CADM2: variants seen among roughly 807,000 people sequenced by gnomAD.
CADM2 encodes immunoglobulin superfamily member 4D.
A neutral mutation model predicts 49.8 loss-of-function variants in CADM2; 12 were observed. That is an observed-to-expected ratio of 0.24 (90% CI 0.15 to 0.39). The LOEUF (loss-of-function observed/expected upper bound fraction) is 0.39. Among genes scored for constraint, CADM2 ranks in the 10% least tolerant of loss-of-function variants. The pLI is 1.00. For missense variants in CADM2, 378 were observed against 492.3 expected, an observed-to-expected ratio of 0.77 and a Z score of 2.20; for synonymous variants, 214 against 175.4, an observed-to-expected ratio of 1.22 and a Z score of -1.74.
At chr3:85,561,833 T>C (rs2062104417) in intron 1 of CADM2, among the ~76,000 whole-genome samples, 1 of 152,216 alleles carries the variant, frequency 6.6e-6, no homozygotes, top group African/African-American at 2.4e-5. Flanking sequence ...TAAGACTTTA[T>C]TCAAATTTAC....
chr3:85,940,200 G>A lies in CADM2; in HGVS notation c.791+4343G>A, dbSNP rs540347934. The stretch of plus-strand genomic sequence containing the variant: ...AAAAAAAAAAAAAAAATAGCCGGGC[G>A]TGGTGGTGGGCGCCTGTAATCCCAG... On this transcript the variant is annotated intron_variant, in intron 7 of 9. Transcript: ENST00000383699. 5.4e-5 allele frequency among the ~76,000 whole-genome samples: 8 copies of A among 149,036 alleles called. No homozygotes were observed. In the South Asian group the frequency reaches 6.4e-4, roughly 12 times the overall value.
intron 1 of CADM2, among the ~76,000 whole-genome samples, chr3:85,295,780 G>T (rs534720984): frequency 6.6e-6 from 1 of 152,152 alleles, no homozygotes; most frequent in South Asian, 2.1e-4. Context: ...ACTGTTGTGG[G>T]GTTGGGGGAG....
rs548111540 is a variant in CADM2, at chr3:85,883,536, G to T, written c.391+93G>T. On this transcript the variant is annotated intron_variant, in intron 4 of 9. Coordinates refer to ENST00000383699, the MANE Select transcript of CADM2 (RefSeq NM_001167675.2). ...ATTCAATACAAAAATATATTTTGAA[G>T]ATTATATGAATAGATATGGTTTAAT... 9.9e-5 allele frequency: 111 copies of T among 1,125,614 alleles called. No individual in the cohort carries two copies. In the African/African-American group the frequency reaches 1.6e-3, roughly 16 times the overall value. 69.7% of individuals were successfully genotyped at this position (1,125,614 alleles called of 1,614,324 possible).
At chr3:85,977,060 T>A (rs1477021499) in intron 8 of CADM2, among the ~76,000 whole-genome samples, 1 of 151,250 alleles carries the variant, frequency 6.6e-6, no homozygotes, top group Non-Finnish European at 1.5e-5. Flanking sequence ...TCAGGATTTA[T>A]TACTGCCTAT....
At chr3:85,252,727 C>T (rs1321586391) in intron 1 of CADM2, among the ~76,000 whole-genome samples, 5 of 151,970 alleles carry the variant, frequency 3.3e-5, no homozygotes, top group Admixed American at 6.6e-5. Flanking sequence ...CATTTTTCTC[C>T]ATGTCTATCA....
intron 1 of CADM2, among the ~76,000 whole-genome samples, chr3:85,033,059 A>G (rs932648068): frequency 6.6e-5 from 10 of 152,132 alleles, no homozygotes; most frequent in Non-Finnish European, 1.3e-4. Flanking sequence ...ATTACAGATA[A>G]AAAAACATAG....
At chr3:85,465,135 A>G (rs1051147688) in intron 1 of CADM2, among the ~76,000 whole-genome samples, 3 of 152,138 alleles carry the variant, frequency 2.0e-5, no homozygotes, top group Non-Finnish European at 4.4e-5. Flanking sequence ...GGGAGACAGA[A>G]CGAGACTCTG....
intron 8 of CADM2, chr3:86,027,922 A>G (rs1307844727): frequency 6.6e-6 from 1 of 151,872 alleles, no homozygotes; most frequent in Non-Finnish European, 1.5e-5. Flanking sequence ...ATCAGTAAGT[A>G]TCTGTATTGT....
intron 3 of CADM2, among the ~76,000 whole-genome samples, chr3:85,804,641 C>A (rs1420917060): frequency 6.6e-6 from 1 of 152,082 alleles, no homozygotes; most frequent in African/African-American, 2.4e-5. Flanking sequence ...ATATGAAATG[C>A]CCTTGCCTCC....
At chr3:85,467,079 C>A (rs759654266) in intron 1 of CADM2, among the ~76,000 whole-genome samples, 3 of 152,082 alleles carry the variant, frequency 2.0e-5, no homozygotes, top group Admixed American at 6.6e-5. Flanking sequence ...CATCTAAATT[C>A]TTATAGCAAC....
chr3:85,038,476 T>G (rs531592268), intron 1 of CADM2, among the ~76,000 whole-genome samples: 8 of 152,298 alleles, frequency 5.3e-5, no homozygotes, highest in African/African-American at 1.9e-4. Flanking sequence ...GTTTAAGAAT[T>G]ATCAAATGTG....
chr3:85,181,305 A>G (rs1252059108), intron 1 of CADM2, among the ~76,000 whole-genome samples: 4 of 152,120 alleles, frequency 2.6e-5, no homozygotes, highest in Admixed American at 2.6e-4. Context: ...TAATTCTTTT[A>G]TTCATTTAGT....
chr3:85,964,479 CTATTAAGCAT>C (rs948561237), intron 8 of CADM2, among the ~76,000 whole-genome samples: 12 of 151,648 alleles, frequency 7.9e-5, no homozygotes, highest in African/African-American at 2.7e-4. Context: ...TTTAAGTGCA[CTATTAAGCAT>C]TATTAAGCAT....
chr3:85,410,277 A>G (rs996018703), intron 1 of CADM2, among the ~76,000 whole-genome samples: 1 of 152,208 alleles, frequency 6.6e-6, no homozygotes, highest in Non-Finnish European at 1.5e-5. Flanking sequence ...CATGACTTTT[A>G]GAGAATGTTT....
At chr3:85,310,045 CT>C (rs2044306775) in intron 1 of CADM2, among the ~76,000 whole-genome samples, 1 of 152,120 alleles carries the variant, frequency 6.6e-6, no homozygotes, top group Non-Finnish European at 1.5e-5. Flanking sequence ...TGTATCTCTT[CT>C]TTTGTTTTAA....
chr3:85,518,507 CTTA>C (rs2106882687), intron 1 of CADM2, among the ~76,000 whole-genome samples: 1 of 151,642 alleles, frequency 6.6e-6, no homozygotes, highest in East Asian at 1.9e-4. Context: ...GTAACCACAT[CTTA>C]TTGTTTATAT....
intron 1 of CADM2, among the ~76,000 whole-genome samples, chr3:85,514,141 T>A (rs1446515498): frequency 2.6e-5 from 4 of 152,004 alleles, no homozygotes; most frequent in Admixed American, 1.3e-4. Flanking sequence ...TCTTTTAATG[T>A]TCTTGGAGGA....
At chr3:85,647,930 T>C (rs1288647505) in intron 1 of CADM2, among the ~76,000 whole-genome samples, 2 of 151,884 alleles carry the variant, frequency 1.3e-5, no homozygotes, top group Non-Finnish European at 3.0e-5. Context: ...TTTGATTAAG[T>C]CTCCTTTTAT....
At position 85,203,009 on chromosome 3, in the gene CADM2, T is replaced by C. The variant is rs140713457; in HGVS notation, c.61+243341T>C. On this transcript the variant is annotated intron_variant, in intron 1 of 9. Coordinates refer to ENST00000383699, the MANE Select transcript of CADM2 (RefSeq NM_001167675.2). ...GCAGCTTCCTTACCTTTTTTGCCTC[T>C]TTAGAATTGAAGGGAGTTACGGCCT... Among the ~76,000 whole-genome samples, 315 of 152,324 alleles carry C rather than the reference T, an allele frequency of 2.1e-3. 1 individual carries two copies. Among genetic ancestry groups the C allele is most frequent in the African/African-American group, 7.2e-3 (298 of 41,568 alleles).
Sources: gnomAD v4.1 joint callset for allele counts (sites outside exome capture counted in the v4.1 genomes callset) on GRCh38, gnomAD v4.1.1 for gene constraint, MANE v1.5 for transcripts, NCBI Gene and HGNC (gene_info 2026-07-23, HGNC 2026-07-21) for gene names.